SCRN1: variants seen among roughly 807,000 people sequenced by gnomAD.
SCRN1 encodes the protein secernin-1.
In SCRN1, 19 loss-of-function variants were observed where a neutral mutation model predicts 43.3. That is an observed-to-expected ratio of 0.44 (90% CI 0.31 to 0.64). SCRN1 has a LOEUF of 0.64. SCRN1 is among the 30% of genes least tolerant of loss of function. SCRN1 has a pLI of 0.09. For missense variants in SCRN1, 447 were observed against 524.1 expected (o/e 0.85, Z 1.44); for synonymous variants, 183 against 188.9 (o/e 0.97, Z 0.26).
chr7:29,946,324 G>A (rs1290851864), intron 3 of SCRN1, among the ~76,000 whole-genome samples: 1 of 152,222 alleles, frequency 6.6e-6, no homozygotes, highest in African/African-American at 2.4e-5. Context: ...TGCTGTGAGT[G>A]CCTCTCAGAA....
chr7:29,959,128 A>G (rs1479830739), intron 2 of SCRN1, among the ~76,000 whole-genome samples: 2 of 152,212 alleles, frequency 1.3e-5, no homozygotes, highest in African/African-American at 4.8e-5. Context: ...GATATGACCC[A>G]GTGAAAGGGG....
chr7:29,930,225 A>G (rs1429560016), intron 6 of SCRN1, among the ~76,000 whole-genome samples: 2 of 152,244 alleles, frequency 1.3e-5, no homozygotes, highest in Non-Finnish European at 2.9e-5. Context: ...AATATTAACA[A>G]AAATTATTGC....
At chr7:29,990,228 C>G (rs558337484), upstream of SCRN1, 4 of 1,551,518 alleles carry the variant, frequency 2.6e-6, no homozygotes, top group South Asian at 1.2e-5. Context: ...TTAAAAGTGC[C>G]GTCCTGTACC....
At chr7:29,976,685 G>T (rs776262030) in intron 1 of SCRN1, among the ~76,000 whole-genome samples, 2 of 152,264 alleles carry the variant, frequency 1.3e-5, no homozygotes, top group Non-Finnish European at 2.9e-5. Context: ...CATTGGCTAT[G>T]ATAAAGCATC....
chr7:29,987,085 A>G (rs957236069), intron 1 of SCRN1, among the ~76,000 whole-genome samples: 3 of 151,864 alleles, frequency 2.0e-5, no homozygotes, highest in Non-Finnish European at 4.4e-5. Context: ...CGATATATAT[A>G]TTCATATTTA....
intron 2 of SCRN1, among the ~76,000 whole-genome samples, chr7:29,961,781 C>T (rs1455252780): frequency 6.9e-6 from 1 of 145,448 alleles, no homozygotes; most frequent in Non-Finnish European, 1.5e-5. Context: ...AGGGGGCTGA[C>T]CCCCCCACCT....
At chr7:29,930,555 T>A (rs10226876) in intron 6 of SCRN1, among the ~76,000 whole-genome samples, 8,416 of 152,272 alleles carry the variant, frequency 0.055, 341 homozygotes, top group Middle Eastern at 0.078. Context: ...CCCAACCGTG[T>A]CCAGCCCACC....
At chr7:29,982,802 G>T (rs942520990) in intron 1 of SCRN1, among the ~76,000 whole-genome samples, 14 of 151,552 alleles carry the variant, frequency 9.2e-5, no homozygotes, top group African/African-American at 2.4e-5. Flanking sequence ...ACACCAGGCT[G>T]CCCTGACTCT....
intron 1 of SCRN1, among the ~76,000 whole-genome samples, chr7:29,974,651 T>A (rs955148324): frequency 1.3e-5 from 2 of 151,766 alleles, no homozygotes; most frequent in Non-Finnish European, 1.5e-5. Flanking sequence ...ACATGCATTT[T>A]AAAATATTTG....
intron 1 of SCRN1, among the ~76,000 whole-genome samples, chr7:29,981,264 T>C (rs1262863786): frequency 6.6e-6 from 1 of 152,016 alleles, no homozygotes; most frequent in African/African-American, 2.4e-5. Context: ...CACTACATAA[T>C]TTTAGTTAGG....
intron 1 of SCRN1, 104 bp downstream of exon 1, chr7:29,989,538 G>A (rs1789290621): frequency 2.0e-6 from 2 of 984,446 alleles, no homozygotes; most frequent in South Asian, 4.7e-5. Context: ...GGGTTCGGAG[G>A]GACAGCGGGA....
chr7:29,955,463 C>G, intron 2 of SCRN1, 103 bp from the exon 3 acceptor site: 1 of 1,148,002 alleles, frequency 8.7e-7, no homozygotes, highest in Non-Finnish European at 1.2e-6. Context: ...ACAAACAGAG[C>G]CAAAAAATAA....
chr7:29,955,593 T>C (rs1270336195), intron 2 of SCRN1, among the ~76,000 whole-genome samples: 2 of 152,198 alleles, frequency 1.3e-5, no homozygotes, highest in Non-Finnish European at 2.9e-5. Context: ...AATAGGGCAA[T>C]CATCTTGAAC....
intron 3 of SCRN1, among the ~76,000 whole-genome samples, chr7:29,946,792 G>A (rs1420392608): frequency 2.0e-5 from 3 of 152,212 alleles, no homozygotes; most frequent in African/African-American, 7.2e-5. Flanking sequence ...CATGCCATGA[G>A]GACAGGGCCA....
At chr7:29,926,403 T>TCACC (rs1786954151) in intron 7 of SCRN1, 49 bp downstream of exon 7, 1 of 1,591,942 alleles carries the variant, frequency 6.3e-7, no homozygotes, top group African/African-American at 1.3e-5. Flanking sequence ...CTCGCTGACC[T>TCACC]CGCCCGCCCG....
intron 1 of SCRN1, among the ~76,000 whole-genome samples, chr7:29,974,387 G>A (rs1305628591): frequency 6.6e-6 from 1 of 152,048 alleles, no homozygotes; most frequent in Non-Finnish European, 1.5e-5. Flanking sequence ...GTTGCTCAGA[G>A]AGCACACAAT....
At chr7:29,983,300 GGTGGGGT>G (rs1278216354) in intron 1 of SCRN1, among the ~76,000 whole-genome samples, 1 of 139,452 alleles carries the variant, frequency 7.2e-6, no homozygotes, top group Non-Finnish European at 1.5e-5. Context: ...TGGGGACTGT[GGTGGGGT>G]GGGGGGAGGG....
At chr7:29,956,575 T>C (rs999665316) in intron 2 of SCRN1, among the ~76,000 whole-genome samples, 21 of 152,210 alleles carry the variant, frequency 1.4e-4, no homozygotes, top group African/African-American at 4.8e-4. Flanking sequence ...CTATTCTGTA[T>C]TGATTTCCCA....
At position 29,948,035 on chromosome 7, in the gene SCRN1, A is replaced by G. The variant is rs143130967; in HGVS notation, c.342-3856T>C. Among the ~76,000 whole-genome samples, 332 of 152,332 alleles carry G rather than the reference A, an allele frequency of 2.2e-3. 3 individuals are homozygous for G. The highest frequency in any genetic ancestry group is 7.6e-3 in the African/African-American group (314 of 41,578). On this transcript the variant is annotated intron_variant, in intron 3 of 7. Transcript: ENST00000242059. Reference sequence around the variant, plus strand: ...CCCTAGGCTATGGTATGTTTGTTATAGCAGCCCAAATGGACTAAGACGAGT... The same window carrying G: ...CCCTAGGCTATGGTATGTTTGTTATGGCAGCCCAAATGGACTAAGACGAGT...
Sources: allele counts gnomAD v4.1 joint callset (sites outside exome capture counted in the v4.1 genomes callset), GRCh38; gene constraint gnomAD v4.1.1; transcripts MANE v1.5; gene names NCBI Gene and HGNC (gene_info 2026-07-23, HGNC 2026-07-21).